DDA1: variants seen among roughly 807,000 people sequenced by gnomAD.
DDA1 encodes the protein DET1 and DDB1 associated 1.
DDA1 carries 3 observed loss-of-function variants against 18.6 expected under a neutral mutation model. That is an observed-to-expected ratio of 0.16 (90% CI 0.07 to 0.42). The LOEUF (loss-of-function observed/expected upper bound fraction) is 0.42, where lower values mean the gene tolerates loss of function less well. Among genes scored for constraint, DDA1 ranks in the 10% least tolerant of loss-of-function variants. The probability of loss-of-function intolerance (pLI) is 0.99; values close to 1 mark genes in which losing one functional copy is unlikely to be tolerated. For synonymous variants in DDA1, 52 were observed against 54.0 expected, an observed-to-expected ratio of 0.96 and a Z score of 0.17; for missense variants, 105 against 138.2, an observed-to-expected ratio of 0.76 and a Z score of 1.20.
rs57441881 is a variant in DDA1, at chr19:17,315,150, C to T, written c.136+761C>T. ...ATATACACACATATATATACACACA[C>T]GTATATATACACACGTGTATATACA... On this transcript the variant is annotated intron_variant, in intron 3 of 4. Transcript: ENST00000359866. Among the ~76,000 whole-genome samples the T allele has an allele frequency of 6.2e-3, 396 of 63,736 alleles. 34 individuals carry two copies. The highest frequency in any genetic ancestry group is 0.011 in the African/African-American group (101 of 9,396). The allele number at this position is 63,736 out of a possible 152,430, so 41.8% of individuals were successfully genotyped here.
chr19:17,311,072 T>A (rs2074176515), intron 1 of DDA1, among the ~76,000 whole-genome samples: 1 of 152,200 alleles, frequency 6.6e-6, no homozygotes, highest in Middle Eastern at 3.4e-3. Context: ...CCCAGGCTGG[T>A]CTCAAACTCC....
chr19:17,317,939 G>A (rs1040461641), intron 4 of DDA1, among the ~76,000 whole-genome samples: 1 of 151,708 alleles, frequency 6.6e-6, no homozygotes, highest in African/African-American at 2.4e-5. Context: ...CTCTGCACAC[G>A]GGATATTTTT....
intron 3 of DDA1, among the ~76,000 whole-genome samples, chr19:17,315,094 T>G (rs2145673977): frequency 7.6e-6 from 1 of 130,776 alleles, no homozygotes; most frequent in African/African-American, 3.3e-5. Context: ...TATATACGTA[T>G]ATATACACAC....
intron 3 of DDA1, among the ~76,000 whole-genome samples, chr19:17,315,429 C>T (rs78101745): frequency 1.3e-3 from 67 of 52,000 alleles, no homozygotes; most frequent in African/African-American, 2.4e-3. Context: ...TGTGTGTGTG[C>T]ATATATATAT....
chr19:17,322,924 A>G lies in DDA1; in HGVS notation c.*3268A>G, dbSNP rs879789188. On this transcript the variant is annotated 3_prime_UTR_variant, in exon 5 of 5. Transcript: ENST00000359866. ...AAACCACCGCGCTGTCCTCTTTGAG[A>G]AGGAGTCTTACTCAGGACTGGGGCC... is the stretch of plus-strand genomic sequence containing the variant. 3.9e-4 allele frequency: 59 copies of G among 152,312 alleles called. No homozygotes were observed. Among genetic ancestry groups the G allele is most frequent in the African/African-American group, 1.4e-3 (58 of 41,592 alleles). The allele number at this position is 152,312 out of a possible 1,614,324, so 9.4% of individuals were successfully genotyped here.
Position 17,317,306 on chromosome 19 carries a change from G to A in DDA1, c.198+1311G>A, listed in dbSNP as rs572546968. On this transcript the variant is annotated intron_variant, in intron 4 of 4. Transcript: ENST00000359866. Reference sequence around the variant, plus strand: ...AGGCAGACCATGAGGTCAGGAGATCGAGACCATCCTGGCTAACACGGTGAA... The same window carrying A: ...AGGCAGACCATGAGGTCAGGAGATCAAGACCATCCTGGCTAACACGGTGAA... 1.4e-4 allele frequency among the ~76,000 whole-genome samples: 21 copies of A among 152,238 alleles called. No individual in the cohort carries two copies. In the South Asian group the frequency reaches 2.1e-3, roughly 15 times the overall value.
rs1830126712 is a variant in DDA1 at position 17,314,914 on chromosome 19, T to C, written c.136+525T>C. 1.3e-5 allele frequency among the ~76,000 whole-genome samples: 2 copies of C among 151,898 alleles called. No homozygotes were observed. Among genetic ancestry groups the C allele is most frequent in the African/African-American group, 4.8e-5 (2 of 41,352 alleles). ...AAAGGGGCCCACAGCACAGGAGGAC[T>C]TGGTCTTGCTGTCTTAGTTTAACTG... On this transcript the variant is annotated intron_variant, in intron 3 of 4. Coordinates refer to ENST00000359866, the MANE Select transcript of DDA1 (RefSeq NM_024050.6). This position sits in a 1 kb window ranked among gnomAD's most constrained non-coding sequence, Gnocchi z 4.6.
chr19:17,319,781 C>G lies in DDA1; in HGVS notation c.*125C>G. 1 of 681,674 alleles carries G rather than the reference C, an allele frequency of 1.5e-6. No individual in the cohort carries two copies. The highest frequency in any genetic ancestry group is 2.5e-6 in the Non-Finnish European group (1 of 401,142). The allele number at this position is 681,674 out of a possible 1,614,324, so 42.2% of individuals were successfully genotyped here. On this transcript the variant is annotated 3_prime_UTR_variant, in exon 5 of 5. Coordinates refer to ENST00000359866, the MANE Select transcript of DDA1 (RefSeq NM_024050.6). ...GGCCCATCCACACCCTGCGTCCACA[C>G]CACTTCCAACCTCATAGGAGCCGAT...
At chr19:17,309,768 C>G (rs2074169848) in intron 1 of DDA1, 111 bp downstream of exon 1, 1 of 1,378,716 alleles carries the variant, frequency 7.3e-7, no homozygotes, top group Non-Finnish European at 9.8e-7. Context: ...CCGGTCCCCT[C>G]AGGTCCGGCC....
chr19:17,312,910 G>A (rs76909576), intron 1 of DDA1, among the ~76,000 whole-genome samples: 12,921 of 151,918 alleles, frequency 0.085, 641 homozygotes, highest in Non-Finnish European at 0.11. Context: ...CAGATGTGAC[G>A]GCTGCCTCCC....
intron 1 of DDA1, among the ~76,000 whole-genome samples, chr19:17,313,721 C>G (rs1034337468): frequency 6.6e-6 from 1 of 152,100 alleles, no homozygotes. Context: ...GGGATTCAGG[C>G]GGGAGCCACT....
intron 3 of DDA1, 114 bp from the exon 4 acceptor site, chr19:17,315,820 T>G (rs1256520140): frequency 2.1e-6 from 2 of 957,766 alleles, no homozygotes; most frequent in African/African-American, 1.6e-5. Context: ...CTTTTGGAGA[T>G]CTCTGGAGTT....
chr19:17,318,823 G>A (rs1457300458), intron 4 of DDA1, among the ~76,000 whole-genome samples: 6 of 151,428 alleles, frequency 4.0e-5, no homozygotes, highest in African/African-American at 1.5e-4. Context: ...GAGCCACCGC[G>A]CCTGGCAAGT....
chr19:17,310,536 A>T (rs1217665215), intron 1 of DDA1, among the ~76,000 whole-genome samples: 1 of 152,118 alleles, frequency 6.6e-6, no homozygotes. Flanking sequence ...CACAACCCCC[A>T]TTAGTTGGCA....
rs2074233723 is a variant in DDA1 at position 17,320,225 on chromosome 19, G to A, written c.*569G>A. 6.5e-6 allele frequency: 1 copy of A among 152,700 alleles called. No individual in the cohort carries two copies. Among genetic ancestry groups the A allele is most frequent in the Non-Finnish European group, 1.5e-5 (1 of 68,376 alleles). The allele number at this position is 152,700 out of a possible 1,614,324, so 9.5% of individuals were successfully genotyped here. On this transcript the variant is annotated 3_prime_UTR_variant, in exon 5 of 5. Coordinates refer to ENST00000359866, the MANE Select transcript of DDA1 (RefSeq NM_024050.6). ...TCGGCCCTTGGGATCTTTCTCTTGA[G>A]TCATTTTATTTTTATCATGGACTAG...
intron 1 of DDA1, among the ~76,000 whole-genome samples, chr19:17,313,796 T>G (rs1193621157): frequency 1.3e-5 from 2 of 152,112 alleles, no homozygotes; most frequent in African/African-American, 2.4e-5. Context: ...TCTCACCTAA[T>G]TAGGGGGCTG....
At chr19:17,315,206 CGTGTATAT>C (rs1568353757) in intron 3 of DDA1, among the ~76,000 whole-genome samples, 3 of 29,182 alleles carry the variant, frequency 1.0e-4, no homozygotes, top group African/African-American at 4.7e-4. Flanking sequence ...TGTATACACA[CGTGTATAT>C]ACACACACGT....
At chr19:17,310,014 C>A (rs1007149969) in intron 1 of DDA1, among the ~76,000 whole-genome samples, 1 of 152,138 alleles carries the variant, frequency 6.6e-6, no homozygotes, top group Non-Finnish European at 1.5e-5. Flanking sequence ...CTCTTCAGTT[C>A]AGGAGAATTT....
rs563130676 is a variant in DDA1 at position 17,314,591 on chromosome 19, G to A, written c.136+202G>A. On this transcript the variant is annotated intron_variant, in intron 3 of 4. Transcript: ENST00000359866. This position sits in a 1 kb window ranked among gnomAD's most constrained non-coding sequence, Gnocchi z 4.6. ...AGGGGGACCTTGGGGGCTTCAGCCTGGGGATGCACACGTGGATGCCTGTCC... is the reference window on the plus strand; with the variant it reads ...AGGGGGACCTTGGGGGCTTCAGCCTAGGGATGCACACGTGGATGCCTGTCC... The A allele has an allele frequency of 3.0e-3, 1,884 of 637,964 alleles. 13 individuals carry two copies. Among genetic ancestry groups the A allele is most frequent in the Non-Finnish European group, 3.9e-3 (1,466 of 371,440 alleles). The allele number at this position is 637,964 out of a possible 1,614,324, so 39.5% of individuals were successfully genotyped here.
Sources: allele counts gnomAD v4.1 joint callset (sites outside exome capture counted in the v4.1 genomes callset), GRCh38; gene constraint gnomAD v4.1.1; non-coding constraint Gnocchi (gnomAD v3.1); transcripts MANE v1.5; gene names NCBI Gene and HGNC (gene_info 2026-07-23, HGNC 2026-07-21).